PRELP: variants seen among roughly 807,000 people sequenced by gnomAD.
PRELP encodes the protein prolargin.
PRELP carries 16 observed loss-of-function variants against 22.8 expected under a neutral mutation model. That is an observed-to-expected ratio of 0.70 (90% CI 0.47 to 1.06). The LOEUF (loss-of-function observed/expected upper bound fraction) is 1.06, where lower values mean the gene tolerates loss of function less well. PRELP is among the 50% of genes least tolerant of loss of function. The pLI is 0.00. For missense variants in PRELP, 434 were observed against 485.2 expected (o/e 0.89, Z 0.99); for synonymous variants, 233 against 211.4 (o/e 1.10, Z -0.89).
rs755433661 is a variant in PRELP, at chr1:203,483,289, A to ACCCAGG, written c.122_127dup (p.Arg41_Pro42dup). ...GACCCGGGACTGGGCCCGGGCGCAG[A>ACCCAGG]CCCAGGCCCAGGCCCAGGCCCACAC... On this transcript the variant is annotated inframe_insertion, in exon 2 of 3. Coordinates refer to ENST00000343110, the MANE Select transcript of PRELP (RefSeq NM_002725.4). The surrounding 1 kb of genome is among the most constrained non-coding windows in gnomAD (Gnocchi z 4.4). The ACCCAGG allele has an allele frequency of 1.0e-4, 161 of 1,613,280 alleles. No homozygotes were observed. The South Asian group carries it at 1.0e-3, about 10-fold the overall frequency.
At chr1:203,484,182 G>GCC in intron 2 of PRELP, 25 bp downstream of exon 2, 1 of 1,585,412 alleles carries the variant, frequency 6.3e-7, no homozygotes, top group Non-Finnish European at 8.6e-7. Flanking sequence ...CCGGGGCGGG[G>GCC]CCGAAGGCAA....
chr1:203,478,391 C>G (rs554916816), intron 1 of PRELP, among the ~76,000 whole-genome samples: 1 of 152,206 alleles, frequency 6.6e-6, no homozygotes, highest in African/African-American at 2.4e-5. Flanking sequence ...TCTTCCCCAC[C>G]GCTCAGAATG....
Position 203,483,766 on chromosome 1 carries a change from G to A in PRELP, c.582G>A (p.Leu194=). The change falls in exon 2 of 3, where the codon CTG becomes CTA. Residue 194 remains leucine (L), a synonymous_variant. Transcript: ENST00000343110. This position sits in a 1 kb window ranked among gnomAD's most constrained non-coding sequence, Gnocchi z 4.4. ...TCCCGCCTGGTGTCTTCAGCAAGCT[G>A]GAGAACCTGCTGCTCCTGGATCTCC... ...SRIPPGVFSK[L]ENLLLLDLQH... 2 of 1,614,208 alleles carry A rather than the reference G, an allele frequency of 1.2e-6. No homozygotes were observed. The highest frequency in any genetic ancestry group is 1.7e-6 in the Non-Finnish European group (2 of 1,180,032).
At chr1:203,478,769 C>T (rs563391699) in intron 1 of PRELP, among the ~76,000 whole-genome samples, 2 of 152,086 alleles carry the variant, frequency 1.3e-5, no homozygotes, top group African/African-American at 4.8e-5. Context: ...TATCGTTTCA[C>T]CTTCCTAGAA....
chr1:203,484,427 A>C (rs1253366108), intron 2 of PRELP, among the ~76,000 whole-genome samples: 1 of 152,236 alleles, frequency 6.6e-6, no homozygotes, highest in East Asian at 1.9e-4. Context: ...AATATGGAGA[A>C]AGTGCCCAGA....
In PRELP at chr1:203,483,508, T is replaced by C. The variant is rs758844513; in HGVS notation, c.324T>C (p.Tyr108=). The C allele has an allele frequency of 3.1e-6, 5 of 1,614,016 alleles. No homozygotes were observed. The African/African-American group carries it at 6.7e-5, about 22-fold the overall frequency. The stretch of plus-strand genomic sequence containing the variant: ...TCCCGCCCCGCATCCATTACCTCTA[T>C]CTCCAGAACAACTTCATCACTGAGC... The part of the protein sequence containing the change: ...PVIPPRIHYL[Y]LQNNFITELP... Residue 108 remains tyrosine, a synonymous_variant, in exon 2 of 3, where the codon TAT becomes TAC. Coordinates refer to ENST00000343110, the MANE Select transcript of PRELP (RefSeq NM_002725.4). The surrounding 1 kb of genome is among the most constrained non-coding windows in gnomAD (Gnocchi z 4.4).
chr1:203,484,665 G>A (rs1220173524), intron 2 of PRELP, among the ~76,000 whole-genome samples: 1 of 152,226 alleles, frequency 6.6e-6, no homozygotes, highest in African/African-American at 2.4e-5. Context: ...CCTGGGTTTT[G>A]ATTCAGGGTA....
At chr1:203,476,359 G>A (rs140398076) in intron 1 of PRELP, among the ~76,000 whole-genome samples, 1,657 of 152,144 alleles carry the variant, frequency 0.011, 24 homozygotes, top group Admixed American at 0.012. Context: ...CACCCCACAC[G>A]ACCATACAAA....
At position 203,483,075 on chromosome 1, in the gene PRELP, A is replaced by C; in HGVS notation, c.-16-94A>C. ...TCCCTGAGCTCTGCCCATCTTCCCT[A>C]GAGCTCTAGTTCTGCCCAACTCTGG... On this transcript the variant is annotated intron_variant, in intron 1 of 2. Coordinates refer to ENST00000343110, the MANE Select transcript of PRELP (RefSeq NM_002725.4). This position sits in a 1 kb window ranked among gnomAD's most constrained non-coding sequence, Gnocchi z 4.4. 55 of 1,012,404 alleles carry C rather than the reference A, an allele frequency of 5.4e-5. No individual in the cohort carries two copies. Among genetic ancestry groups the C allele is most frequent in the Non-Finnish European group, 7.2e-5 (49 of 682,616 alleles). 62.7% of individuals were successfully genotyped at this position (1,012,404 alleles called of 1,614,324 possible).
At chr1:203,479,436 C>T (rs1273780071) in intron 1 of PRELP, among the ~76,000 whole-genome samples, 6 of 152,120 alleles carry the variant, frequency 3.9e-5, no homozygotes, top group Non-Finnish European at 8.8e-5. Flanking sequence ...GGCGCTGTGG[C>T]TCATGCCTGT....
At chr1:203,478,157 GT>G (rs1660943859) in intron 1 of PRELP, among the ~76,000 whole-genome samples, 1 of 152,224 alleles carries the variant, frequency 6.6e-6, no homozygotes, top group Non-Finnish European at 1.5e-5. Flanking sequence ...AAAAGAAGGT[GT>G]TAGTATCCCC....
chr1:203,480,097 GA>G (rs977742128), intron 1 of PRELP, among the ~76,000 whole-genome samples: 18 of 151,402 alleles, frequency 1.2e-4, no homozygotes, highest in African/African-American at 3.9e-4. Context: ...AGTGAAAAAA[GA>G]AAAAAAAATT....
chr1:203,486,675 C>T (rs780680760), intron 2 of PRELP, 31 bp from the exon 3 acceptor site: 1 of 1,587,862 alleles, frequency 6.3e-7, no homozygotes. Context: ...GCCTCCACTC[C>T]CTTCTGATTT....
At chr1:203,486,314 G>A (rs202154677) in intron 2 of PRELP, among the ~76,000 whole-genome samples, 1 of 28,298 alleles carries the variant, frequency 3.5e-5, no homozygotes, top group African/African-American at 3.3e-4. Context: ...CATCACATTG[G>A]GCACTATTAC....
At position 203,489,706 on chromosome 1, in the gene PRELP, C is replaced by T. The variant is rs1661158536; in HGVS notation, c.*2825C>T. The T allele has an allele frequency of 6.6e-6, 1 of 152,276 alleles. No homozygotes were observed. The highest frequency in any genetic ancestry group is 6.5e-5 in the Admixed American group (1 of 15,292). 9.4% of individuals were successfully genotyped at this position (152,276 alleles called of 1,614,324 possible). ...GCGTGGTGGATCACGCCTGTAATCCCAGCACTCTGGGAGGCCAAAGCGGGC... is the reference window on the plus strand; with the variant it reads ...GCGTGGTGGATCACGCCTGTAATCCTAGCACTCTGGGAGGCCAAAGCGGGC... On this transcript the variant is annotated 3_prime_UTR_variant, in exon 3 of 3. Transcript: ENST00000343110.
At position 203,483,999 on chromosome 1, in the gene PRELP, G is replaced by A. The variant is rs747380568; in HGVS notation, c.815G>A (p.Arg272Gln). 19 of 1,614,020 alleles carry A rather than the reference G, an allele frequency of 1.2e-5. No individual in the cohort carries two copies. Among genetic ancestry groups the A allele is most frequent in the Middle Eastern group, 1.6e-4 (1 of 6,084 alleles). Residue 272 changes from arginine (R) to glutamine (Q), a missense_variant, in exon 2 of 3, where the codon CGG becomes CAG. Transcript: ENST00000343110. This position sits in a 1 kb window ranked among gnomAD's most constrained non-coding sequence, Gnocchi z 4.4. ...FKSFPNLAFI[R>Q]LNYNKLTDRG... is the part of the protein sequence containing the mutation. ...AGCTTTCCCAATCTTGCCTTCATTC[G>A]GCTTAACTACAACAAGCTGACAGAC...
chr1:203,480,120 AGGAAAC>A (rs1319447769), intron 1 of PRELP, among the ~76,000 whole-genome samples: 1 of 152,214 alleles, frequency 6.6e-6, no homozygotes, highest in Non-Finnish European at 1.5e-5. Flanking sequence ...AGATTCTCTT[AGGAAAC>A]GTTCTTTAAT....
At chr1:203,485,496 A>G (rs1162231686) in intron 2 of PRELP, among the ~76,000 whole-genome samples, 1 of 152,134 alleles carries the variant, frequency 6.6e-6, no homozygotes, top group Non-Finnish European at 1.5e-5. Context: ...CAATGACCAT[A>G]ATGCTGCCAC....
At chr1:203,482,041 C>T (rs926484803) in intron 1 of PRELP, among the ~76,000 whole-genome samples, 1 of 152,174 alleles carries the variant, frequency 6.6e-6, no homozygotes, top group East Asian at 1.9e-4. Context: ...AGTCTCCTCC[C>T]CACAGGGGTA....
Sources: allele counts gnomAD v4.1 joint callset (sites outside exome capture counted in the v4.1 genomes callset), GRCh38; gene constraint gnomAD v4.1.1; non-coding constraint Gnocchi (gnomAD v3.1); transcripts MANE v1.5; gene names NCBI Gene and HGNC (gene_info 2026-07-23, HGNC 2026-07-21).